Variants in ATXN7 observed in about 807,000 individuals in gnomAD.
ATXN7 encodes the protein ataxin-7.
In ATXN7, 12 loss-of-function variants were observed where a neutral mutation model predicts 70.5. The observed-to-expected ratio is 0.17, with a 90% confidence interval of 0.11 to 0.28. ATXN7 has a LOEUF of 0.28. ATXN7 is among the 10% of genes least tolerant of loss of function. The pLI, the probability that ATXN7 is intolerant of heterozygous loss-of-function variation, is 1.00. For missense variants in ATXN7, 1,256 were observed against 1,131.7 expected, an observed-to-expected ratio of 1.11 and a Z score of -1.58; for synonymous variants, 498 against 448.7, an observed-to-expected ratio of 1.11 and a Z score of -1.39.
At chr3:63,867,757 G>C (rs961278305) in intron 1 of ATXN7, among the ~76,000 whole-genome samples, 3 of 152,094 alleles carry the variant, frequency 2.0e-5, no homozygotes, top group African/African-American at 7.2e-5. Flanking sequence ...TAGGCGTGGT[G>C]GTGTGGCCTG....
intron 8 of ATXN7, among the ~76,000 whole-genome samples, chr3:63,984,029 C>A (rs531227175): frequency 1.3e-5 from 2 of 152,094 alleles, no homozygotes; most frequent in Non-Finnish European, 2.9e-5. Context: ...GGACTTCAGG[C>A]CCTGTCCCAT....
chr3:63,980,997 A>G (rs1408997432), intron 6 of ATXN7, among the ~76,000 whole-genome samples: 1 of 152,260 alleles, frequency 6.6e-6, no homozygotes. Context: ...GCACTCCAAT[A>G]GGAACATGCT....
At chr3:63,955,036 C>T (rs558466931) in intron 5 of ATXN7, among the ~76,000 whole-genome samples, 36 of 152,300 alleles carry the variant, frequency 2.4e-4, no homozygotes, top group Admixed American at 1.2e-3. Flanking sequence ...TCACATTTTT[C>T]TGTCTTTCTC....
chr3:63,994,504 G>C (rs923674326), intron 11 of ATXN7, among the ~76,000 whole-genome samples: 1 of 152,176 alleles, frequency 6.6e-6, no homozygotes, highest in Non-Finnish European at 1.5e-5. Flanking sequence ...CAAAGTGCTG[G>C]GATTACAGTT....
At chr3:63,922,027 CT>C (rs941399983) in intron 4 of ATXN7, among the ~76,000 whole-genome samples, 5 of 151,200 alleles carry the variant, frequency 3.3e-5, no homozygotes, top group Non-Finnish European at 7.4e-5. Flanking sequence ...TTTTCTTTTT[CT>C]TTTTTTTTCT....
intron 1 of ATXN7, among the ~76,000 whole-genome samples, chr3:63,870,007 CTG>C (rs1371139987): frequency 6.6e-6 from 1 of 152,120 alleles, no homozygotes; most frequent in African/African-American, 2.4e-5. Context: ...CATCAAACAA[CTG>C]TGTGATTTTA....
intron 4 of ATXN7, among the ~76,000 whole-genome samples, chr3:63,916,805 T>C (rs2107308431): frequency 6.6e-6 from 1 of 152,376 alleles, no homozygotes; most frequent in South Asian, 2.1e-4. Context: ...TTGTTTGCAT[T>C]CTTGTATTTG....
At chr3:63,866,034 A>C (rs928819243) in intron 1 of ATXN7, among the ~76,000 whole-genome samples, 1 of 150,036 alleles carries the variant, frequency 6.7e-6, no homozygotes, top group African/African-American at 2.5e-5. Flanking sequence ...TAATATTTTC[A>C]TGGGAAAGTA....
chr3:63,884,376 C>T (rs1703016498), intron 1 of ATXN7, among the ~76,000 whole-genome samples: 2 of 151,830 alleles, frequency 1.3e-5, no homozygotes, highest in Admixed American at 1.3e-4. Context: ...AGCTAAAAAA[C>T]ATAGTATTAG....
At chr3:63,942,126 A>G (rs1253580351) in intron 4 of ATXN7, among the ~76,000 whole-genome samples, 1 of 152,204 alleles carries the variant, frequency 6.6e-6, no homozygotes, top group African/African-American at 2.4e-5. Flanking sequence ...AGATAGGAAC[A>G]GCTTGATTGA....
chr3:63,986,844 G>T (rs2075585758), intron 8 of ATXN7, among the ~76,000 whole-genome samples: 1 of 152,126 alleles, frequency 6.6e-6, no homozygotes, highest in African/African-American at 2.4e-5. Flanking sequence ...CCCTAAAGTT[G>T]TACCAACTAT....
chr3:63,979,833 T>A (rs1275763619), intron 5 of ATXN7, 82 bp from the exon 6 acceptor site: 24 of 1,573,106 alleles, frequency 1.5e-5, no homozygotes, highest in East Asian at 1.1e-4. Flanking sequence ...CCTGAATATA[T>A]TGATTTCAGG....
At chr3:63,933,678 T>C (rs1288130193) in intron 4 of ATXN7, among the ~76,000 whole-genome samples, 1 of 152,118 alleles carries the variant, frequency 6.6e-6, no homozygotes, top group East Asian at 1.9e-4. Context: ...ACTTTTCTTT[T>C]GCAAAAAAGG....
chr3:63,955,674 C>T (rs1317360879), intron 5 of ATXN7, among the ~76,000 whole-genome samples: 1 of 152,178 alleles, frequency 6.6e-6, no homozygotes, highest in African/African-American at 2.4e-5. Flanking sequence ...ACACAGTTTT[C>T]AAATTCAGAA....
At chr3:63,953,286 G>A (rs1399856781) in intron 5 of ATXN7, among the ~76,000 whole-genome samples, 1 of 152,146 alleles carries the variant, frequency 6.6e-6, no homozygotes, top group Non-Finnish European at 1.5e-5. Context: ...TGAGTCCTAA[G>A]TGATGAGAAG....
chr3:63,986,446 C>T (rs1039373970), intron 8 of ATXN7, among the ~76,000 whole-genome samples: 10 of 152,044 alleles, frequency 6.6e-5, no homozygotes, highest in African/African-American at 1.9e-4. Flanking sequence ...TGCTAGGCAC[C>T]GGGAACATTC....
At chr3:63,892,374 CCA>C (rs56293497) in intron 1 of ATXN7, among the ~76,000 whole-genome samples, 63,871 of 133,112 alleles carry the variant, frequency 0.48, 14,687 homozygotes, top group Admixed American at 0.58. Flanking sequence ...GACACCTCTA[CCA>C]CACACACACA....
At chr3:63,935,717 A>G (rs1368655728) in intron 4 of ATXN7, among the ~76,000 whole-genome samples, 2 of 152,090 alleles carry the variant, frequency 1.3e-5, no homozygotes, top group African/African-American at 4.8e-5. Context: ...TCAGGACAAC[A>G]AACAGTACAG....
chr3:63,997,940 C>G (rs2106811498), intron 12 of ATXN7: 1 of 985,340 alleles, frequency 1.0e-6, no homozygotes, highest in South Asian at 4.7e-5. Context: ...TCATGGGATT[C>G]CTGGACAAAT....
Sources: allele counts gnomAD v4.1 joint callset (sites outside exome capture counted in the v4.1 genomes callset), GRCh38; gene constraint gnomAD v4.1.1; transcripts MANE v1.5; gene names NCBI Gene and HGNC (gene_info 2026-07-23, HGNC 2026-07-21).